The following SLC24A3 variants were observed in gnomAD, a reference collection of about 807,000 sequenced individuals.
The protein encoded by SLC24A3 is solute carrier family 24 member 3.
SLC24A3 carries 28 observed loss-of-function variants against 75.8 expected under a neutral mutation model. The observed-to-expected ratio is 0.37, with a 90% CI of 0.27 to 0.51. SLC24A3 has a LOEUF of 0.51. Ranked by LOEUF, SLC24A3 falls within the 20% of genes least tolerant of loss-of-function variation. The probability of loss-of-function intolerance (pLI) is 0.94; values close to 1 mark genes in which losing one functional copy is unlikely to be tolerated. For missense variants in SLC24A3, 663 were observed against 847.8 expected, an observed-to-expected ratio of 0.78 and a Z score of 2.71; for synonymous variants, 372 against 334.1, an observed-to-expected ratio of 1.11 and a Z score of -1.24.
At chr20:19,714,224 A>G (rs1487579249) in intron 15 of SLC24A3, among the ~76,000 whole-genome samples, 2 of 152,064 alleles carry the variant, frequency 1.3e-5, no homozygotes. Flanking sequence ...GCAACATAGC[A>G]AGATCCTATC....
In SLC24A3 at chr20:19,721,323, T is replaced by G; in HGVS notation, c.*183T>G. 1.5e-6 allele frequency: 1 copy of G among 656,928 alleles called. No homozygotes were observed. The highest frequency in any genetic ancestry group is 2.5e-6 in the Non-Finnish European group (1 of 401,982). The allele number at this position is 656,928 out of a possible 1,614,324, so 40.7% of individuals were successfully genotyped here. A position where few individuals can be genotyped will look rare whatever the true frequency, so the allele number is the denominator to read the frequency against. On this transcript the variant is annotated 3_prime_UTR_variant, in exon 17 of 17. Transcript: ENST00000328041. ...GACCCATCCTCGCTCCCCCACCTCC[T>G]TGGGTCATGCCCACCCACCCTTTCC...
chr20:19,670,376 G>A (rs2032452408), intron 8 of SLC24A3, among the ~76,000 whole-genome samples: 1 of 152,164 alleles, frequency 6.6e-6, no homozygotes, highest in Non-Finnish European at 1.5e-5. Flanking sequence ...AGCCAACAGA[G>A]CAAACTTGAA....
intron 2 of SLC24A3, among the ~76,000 whole-genome samples, chr20:19,360,097 C>T (rs1294709105): frequency 6.6e-6 from 1 of 152,142 alleles, no homozygotes; most frequent in Non-Finnish European, 1.5e-5. Flanking sequence ...GGGGAGACCT[C>T]CAACAGTGCT....
chr20:19,676,098 C>T (rs970231118), intron 9 of SLC24A3, among the ~76,000 whole-genome samples: 6 of 152,180 alleles, frequency 3.9e-5, no homozygotes. Context: ...AAAATGAATT[C>T]ACTAAGGGCT....
chr20:19,527,213 C>T lies in SLC24A3; in HGVS notation c.348+11649C>T, dbSNP rs78380948. Among the ~76,000 whole-genome samples the T allele has an allele frequency of 9.0e-3, 1,365 of 152,244 alleles. 21 individuals carry two copies. Among genetic ancestry groups the T allele is most frequent in the South Asian group, 0.042 (201 of 4,806 alleles). ...CAGATCTCCCTCTACTCTAAATTCC[C>T]ACTTTTCTTTGTTGCTGTCCTGTAA... On this transcript the variant is annotated intron_variant, in intron 3 of 16. Coordinates refer to ENST00000328041, the MANE Select transcript of SLC24A3 (RefSeq NM_020689.4).
At chr20:19,405,229 C>T (rs985753767) in intron 2 of SLC24A3, among the ~76,000 whole-genome samples, 2 of 152,152 alleles carry the variant, frequency 1.3e-5, no homozygotes, top group Non-Finnish European at 2.9e-5. Flanking sequence ...CTAGCATCCC[C>T]TCTGTGCAGT....
chr20:19,641,808 A>C (rs2032078012), intron 6 of SLC24A3, among the ~76,000 whole-genome samples: 1 of 152,214 alleles, frequency 6.6e-6, no homozygotes, highest in African/African-American at 2.4e-5. Context: ...TCCAATGTAC[A>C]GCCAAAGTTG....
intron 2 of SLC24A3, among the ~76,000 whole-genome samples, chr20:19,357,525 C>T (rs1985710273): frequency 6.6e-6 from 1 of 152,114 alleles, no homozygotes; most frequent in Non-Finnish European, 1.5e-5. Context: ...GATATTAATT[C>T]TTTCTTGTTA....
At chr20:19,536,545 CAA>C (rs374278260) in intron 3 of SLC24A3, among the ~76,000 whole-genome samples, 2,698 of 152,174 alleles carry the variant, frequency 0.018, 29 homozygotes, top group Middle Eastern at 0.065. Flanking sequence ...CATATGGAAC[CAA>C]AAAAGAGTCC....
At chr20:19,596,688 G>A (rs1473470473) in intron 6 of SLC24A3, among the ~76,000 whole-genome samples, 2 of 152,172 alleles carry the variant, frequency 1.3e-5, no homozygotes, top group African/African-American at 4.8e-5. Flanking sequence ...CTCCTTCTAG[G>A]ACTTCAGATA....
intron 3 of SLC24A3, among the ~76,000 whole-genome samples, chr20:19,534,042 A>G (rs2030351730): frequency 6.6e-6 from 1 of 152,250 alleles, no homozygotes; most frequent in Non-Finnish European, 1.5e-5. Context: ...TGTTATGCTC[A>G]TTTGTCTGAG....
At chr20:19,488,465 A>G (rs1988159888) in intron 2 of SLC24A3, among the ~76,000 whole-genome samples, 1 of 152,200 alleles carries the variant, frequency 6.6e-6, no homozygotes, top group African/African-American at 2.4e-5. Context: ...AGATCTAGGA[A>G]TTGCCTTCTA....
intron 2 of SLC24A3, among the ~76,000 whole-genome samples, chr20:19,437,607 G>A (rs1225155072): frequency 6.6e-6 from 1 of 152,222 alleles, no homozygotes; most frequent in Non-Finnish European, 1.5e-5. Context: ...GAGGTGGGAA[G>A]AAGGCTGAGG....
chr20:19,578,343 G>T (rs75167373), intron 3 of SLC24A3, among the ~76,000 whole-genome samples: 5,897 of 151,688 alleles, frequency 0.039, 131 homozygotes, highest in East Asian at 0.087. Flanking sequence ...GTGTGTGTGT[G>T]CATGTGTGTG....
intron 15 of SLC24A3, among the ~76,000 whole-genome samples, chr20:19,699,431 C>G (rs2122146818): frequency 6.6e-6 from 1 of 152,276 alleles, no homozygotes; most frequent in East Asian, 1.9e-4. Context: ...GCCAAATTCA[C>G]AAGAATTTGA....
chr20:19,434,765 GA>G (rs764476903), intron 2 of SLC24A3, among the ~76,000 whole-genome samples: 21 of 150,794 alleles, frequency 1.4e-4, no homozygotes, highest in Non-Finnish European at 2.5e-4. Flanking sequence ...TTTTTTTCTG[GA>G]AAGAAATGGA....
intron 6 of SLC24A3, among the ~76,000 whole-genome samples, chr20:19,594,902 A>G (rs1469882418): frequency 6.6e-6 from 1 of 152,230 alleles, no homozygotes; most frequent in Non-Finnish European, 1.5e-5. Flanking sequence ...CACCCCTGCA[A>G]GCACTGATAG....
intron 2 of SLC24A3, among the ~76,000 whole-genome samples, chr20:19,378,329 A>T (rs542417574): frequency 2.6e-5 from 4 of 152,260 alleles, no homozygotes; most frequent in African/African-American, 4.8e-5. Context: ...CTGTAAAGAG[A>T]AGAGGAATAA....
At chr20:19,656,932 G>C (rs1391961360) in intron 7 of SLC24A3, among the ~76,000 whole-genome samples, 1 of 152,208 alleles carries the variant, frequency 6.6e-6, no homozygotes, top group Non-Finnish European at 1.5e-5. Flanking sequence ...GTGTGAATAA[G>C]TAAAGAGGTT....
Sources: allele counts gnomAD v4.1 joint callset (sites outside exome capture counted in the v4.1 genomes callset), GRCh38; gene constraint gnomAD v4.1.1; transcripts MANE v1.5; gene names NCBI Gene and HGNC (gene_info 2026-07-23, HGNC 2026-07-21).